The following ZCWPW2 variants were observed in gnomAD, a reference collection of about 807,000 sequenced individuals.
The protein encoded by ZCWPW2 is zinc finger CW-type and PWWP domain containing 2.
A neutral mutation model predicts 46.6 loss-of-function variants in ZCWPW2; 45 were observed. That is an observed-to-expected ratio of 0.96 (90% CI 0.76 to 1.24). The LOEUF is 1.24. ZCWPW2 is among the 50% of genes most tolerant of loss of function. The pLI, the probability that ZCWPW2 is intolerant of heterozygous loss-of-function variation, is 0.00. For missense variants in ZCWPW2, 429 were observed against 403.9 expected (o/e 1.06, Z -0.53); for synonymous variants, 152 against 137.1 (o/e 1.11, Z -0.76).
At chr3:28,350,616 T>C (rs774147622) in intron 1 of ZCWPW2, among the ~76,000 whole-genome samples, 1 of 152,054 alleles carries the variant, frequency 6.6e-6, no homozygotes, top group African/African-American at 2.4e-5. Flanking sequence ...TGACAAAATA[T>C]AATCCGTATA....
intron 4 of ZCWPW2, among the ~76,000 whole-genome samples, chr3:28,459,028 G>C (rs967868296): frequency 3.3e-5 from 5 of 151,880 alleles, no homozygotes; most frequent in African/African-American, 4.8e-5. Flanking sequence ...ATCTACTCTT[G>C]GTTCCCAGGC....
intron 4 of ZCWPW2, among the ~76,000 whole-genome samples, chr3:28,436,204 G>A (rs1408054947): frequency 6.6e-6 from 1 of 151,436 alleles, no homozygotes; most frequent in Non-Finnish European, 1.5e-5. Context: ...AATGATCTGT[G>A]TTTATATTCT....
intron 4 of ZCWPW2, among the ~76,000 whole-genome samples, chr3:28,474,584 A>AGT (rs1699155919): frequency 2.9e-5 from 3 of 104,182 alleles, no homozygotes; most frequent in African/African-American, 1.3e-4. Context: ...CTTTAAATAC[A>AGT]GCGTGTGTGT....
chr3:28,354,727 A>C lies in ZCWPW2; in HGVS notation c.-134+5524A>C, dbSNP rs1444841730. 2.6e-5 allele frequency among the ~76,000 whole-genome samples: 2 copies of C among 77,044 alleles called. 1 individual carries two copies. The highest frequency in any genetic ancestry group is 5.1e-4 in the East Asian group (2 of 3,908). 50.5% of individuals were successfully genotyped at this position (77,044 alleles called of 152,430 possible). A position where few individuals can be genotyped will look rare whatever the true frequency, so the allele number is the denominator to read the frequency against. The stretch of plus-strand genomic sequence containing the variant: ...TGAAAATCAATAAACATAATCCAGC[A>C]TATAAACAGAACCAACGACGAAAAC... On this transcript the variant is annotated intron_variant, in intron 1 of 9. Coordinates refer to ENST00000383768, the MANE Select transcript of ZCWPW2 (RefSeq NM_001040432.4).
At chr3:28,454,855 T>C (rs754688122) in intron 4 of ZCWPW2, among the ~76,000 whole-genome samples, 19 of 152,246 alleles carry the variant, frequency 1.2e-4, no homozygotes, top group Non-Finnish European at 2.1e-4. Flanking sequence ...ATGTTGTATG[T>C]ATACCACATT....
chr3:28,467,277 T>C (rs1465928325), intron 4 of ZCWPW2, among the ~76,000 whole-genome samples: 1 of 149,608 alleles, frequency 6.7e-6, no homozygotes, highest in African/African-American at 2.5e-5. Flanking sequence ...ACAAAAGTAC[T>C]AAAATACAAA....
At chr3:28,509,906 A>T (rs1302074555) in intron 6 of ZCWPW2, among the ~76,000 whole-genome samples, 1 of 152,176 alleles carries the variant, frequency 6.6e-6, no homozygotes, top group African/African-American at 2.4e-5. Flanking sequence ...AAGATTATAA[A>T]GATTTGCTCC....
intron 3 of ZCWPW2, among the ~76,000 whole-genome samples, chr3:28,427,423 C>T (rs1318598829): frequency 6.6e-6 from 1 of 152,154 alleles, no homozygotes; most frequent in African/African-American, 2.4e-5. Flanking sequence ...TTTAGTTTAG[C>T]ACATTCATTT....
intron 6 of ZCWPW2, among the ~76,000 whole-genome samples, chr3:28,506,891 A>C (rs149157019): frequency 3.9e-4 from 59 of 152,314 alleles, no homozygotes; most frequent in African/African-American, 1.3e-3. Flanking sequence ...ATTGGCAAGC[A>C]GAGTTGGATA....
intron 1 of ZCWPW2, among the ~76,000 whole-genome samples, chr3:28,369,568 C>T (rs766311755): frequency 6.6e-6 from 1 of 152,210 alleles, no homozygotes; most frequent in Non-Finnish European, 1.5e-5. Flanking sequence ...TCTGCCCCTA[C>T]TGGGAGGTGC....
At chr3:28,521,191 A>G in intron 9 of ZCWPW2, 75 bp downstream of exon 9, 3 of 1,465,712 alleles carry the variant, frequency 2.0e-6, no homozygotes, top group Non-Finnish European at 2.7e-6. Flanking sequence ...TCCTAGTTGT[A>G]CATTTTAAAT....
At chr3:28,357,717 A>G (rs1704792039) in intron 1 of ZCWPW2, among the ~76,000 whole-genome samples, 1 of 151,458 alleles carries the variant, frequency 6.6e-6, no homozygotes, top group Non-Finnish European at 1.5e-5. Flanking sequence ...TCTCTAGCTT[A>G]TATATGACAG....
chr3:28,458,466 T>C (rs1403296688), intron 4 of ZCWPW2, among the ~76,000 whole-genome samples: 1 of 152,186 alleles, frequency 6.6e-6, no homozygotes, highest in Non-Finnish European at 1.5e-5. Flanking sequence ...GCCTATCTCA[T>C]TTTTTGGACT....
Position 28,360,504 on chromosome 3 carries a change from C to T in ZCWPW2, c.-134+11301C>T, listed in dbSNP as rs1170304163. On this transcript the variant is annotated intron_variant, in intron 1 of 9. Coordinates refer to ENST00000383768, the MANE Select transcript of ZCWPW2 (RefSeq NM_001040432.4). ...CACCACGGCACTCCAGCCTGGGTGA[C>T]AGAGCAAGACTTTGTCTGAAAAAAA... 2.7e-5 allele frequency among the ~76,000 whole-genome samples: 4 copies of T among 145,840 alleles called. No individual in the cohort carries two copies. In the East Asian group the frequency reaches 8.0e-4, roughly 29 times the overall value.
At chr3:28,444,018 C>A (rs1216955784) in intron 4 of ZCWPW2, among the ~76,000 whole-genome samples, 1 of 152,064 alleles carries the variant, frequency 6.6e-6, no homozygotes, top group Non-Finnish European at 1.5e-5. Flanking sequence ...TGTGACCAAG[C>A]AAATAAACTA....
chr3:28,379,696 G>T (rs1705611631), intron 1 of ZCWPW2, among the ~76,000 whole-genome samples: 1 of 151,930 alleles, frequency 6.6e-6, no homozygotes, highest in African/African-American at 2.4e-5. Flanking sequence ...GGAAATGATT[G>T]TACTCTTTAA....
intron 1 of ZCWPW2, among the ~76,000 whole-genome samples, chr3:28,382,899 G>A (rs1005039889): frequency 5.9e-5 from 9 of 151,992 alleles, no homozygotes; most frequent in Admixed American, 1.3e-4. Context: ...CAACGATGAC[G>A]GGCTATACTT....
chr3:28,424,056 C>T (rs1696904607), intron 3 of ZCWPW2, among the ~76,000 whole-genome samples: 1 of 152,022 alleles, frequency 6.6e-6, no homozygotes, highest in African/African-American at 2.4e-5. Flanking sequence ...ACTATACCAC[C>T]ATTGCTGCTA....
At chr3:28,430,613 T>C (rs1697216019) in intron 3 of ZCWPW2, among the ~76,000 whole-genome samples, 1 of 152,194 alleles carries the variant, frequency 6.6e-6, no homozygotes, top group South Asian at 2.1e-4. Context: ...CAGAATGATA[T>C]GGTTTGGCTC....
Sources: allele counts gnomAD v4.1 joint callset (sites outside exome capture counted in the v4.1 genomes callset), GRCh38; gene constraint gnomAD v4.1.1; transcripts MANE v1.5; gene names NCBI Gene and HGNC (gene_info 2026-07-23, HGNC 2026-07-21).